Variants in FAM174B observed in about 807,000 individuals in gnomAD.
FAM174B encodes membrane protein FAM174B.
A neutral mutation model predicts 10.9 loss-of-function variants in FAM174B; 12 were observed. The ratio of observed to expected loss-of-function variants is 1.10; its 90% CI spans 0.71 to 1.79. FAM174B has a LOEUF of 1.79. Among genes scored for constraint, FAM174B ranks in the 40% most tolerant of loss-of-function variants. FAM174B has a pLI of 0.00. For synonymous variants in FAM174B, 132 were observed against 115.8 expected (o/e 1.14, Z -0.90); for missense variants, 266 against 233.3 (o/e 1.14, Z -0.91).
At position 92,617,932 on chromosome 15, in the gene FAM174B, C is replaced by T; in HGVS notation, c.*1524G>A. 1 of 397,930 alleles carries T rather than the reference C, an allele frequency of 2.5e-6. No individual in the cohort carries two copies. Among genetic ancestry groups the T allele is most frequent in the Non-Finnish European group, 4.4e-6 (1 of 225,544 alleles). 24.6% of individuals were successfully genotyped at this position (397,930 alleles called of 1,614,324 possible). On this transcript the variant is annotated 3_prime_UTR_variant, in exon 3 of 3. Coordinates refer to ENST00000327355, the MANE Select transcript of FAM174B (RefSeq NM_207446.3). ...TGCGCCACCCTCACCCAGGGCTTCC[C>T]ACGGGCTCTGCTCTTTCCTGCAGAG...
chr15:92,650,585 C>G lies in FAM174B; in HGVS notation c.344+4731G>C, dbSNP rs115421649. Among the ~76,000 whole-genome samples the G allele has an allele frequency of 6.3e-3, 965 of 152,288 alleles. 13 individuals are homozygous for G. The highest frequency in any genetic ancestry group is 0.022 in the African/African-American group (911 of 41,560). On this transcript the variant is annotated intron_variant, in intron 1 of 2. Coordinates refer to ENST00000327355, the MANE Select transcript of FAM174B (RefSeq NM_207446.3). The stretch of plus-strand genomic sequence containing the variant: ...TGGCAGGGTTTTCCTGACTTGCCCC[C>G]GCTCTGCTCATGAGACACCAGAGCG...
intron 1 of FAM174B, among the ~76,000 whole-genome samples, chr15:92,643,664 G>C (rs1384724236): frequency 6.6e-6 from 1 of 151,986 alleles, no homozygotes; most frequent in African/African-American, 2.4e-5. Flanking sequence ...TTCTCCCAGG[G>C]CCCACCCATG....
At chr15:92,639,235 A>C (rs2050875141) in intron 1 of FAM174B, 1 of 152,220 alleles carries the variant, frequency 6.6e-6, no homozygotes, top group African/African-American at 2.4e-5. Context: ...GTGCCCCTGC[A>C]AGTTCTTTTG....
intron 1 of FAM174B, among the ~76,000 whole-genome samples, chr15:92,631,243 TATATTATATATA>T (rs1171231236): frequency 0.26 from 1,827 of 6,924 alleles, 773 homozygotes; most frequent in East Asian, 0.9. Flanking sequence ...TATTATATAT[TATATTATATATA>T]ATATATTATA....
At chr15:92,625,552 G>C (rs2050747251) in intron 2 of FAM174B, among the ~76,000 whole-genome samples, 1 of 152,174 alleles carries the variant, frequency 6.6e-6, no homozygotes, top group African/African-American at 2.4e-5. Context: ...AACCAAACAT[G>C]CAACGTCTGA....
At chr15:92,649,151 T>C (rs765692276) in intron 1 of FAM174B, among the ~76,000 whole-genome samples, 2 of 152,230 alleles carry the variant, frequency 1.3e-5, no homozygotes, top group Non-Finnish European at 2.9e-5. Context: ...AAGACACCCA[T>C]ACACAAAGCC....
chr15:92,644,519 C>T (rs933799255), intron 1 of FAM174B, among the ~76,000 whole-genome samples: 1 of 152,208 alleles, frequency 6.6e-6, no homozygotes, highest in African/African-American at 2.4e-5. Flanking sequence ...CTCCCCAACA[C>T]AGAGGCTGGG....
At chr15:92,643,866 G>A (rs185134240) in intron 1 of FAM174B, among the ~76,000 whole-genome samples, 92 of 152,276 alleles carry the variant, frequency 6.0e-4, no homozygotes, top group African/African-American at 2.1e-3. Context: ...AACAGCACAC[G>A]TGAACTCTGA....
At chr15:92,655,224 G>C in intron 1 of FAM174B, 92 bp downstream of exon 1, 1 of 1,437,012 alleles carries the variant, frequency 7.0e-7, no homozygotes, top group East Asian at 2.9e-5. Context: ...CAGGGCACCT[G>C]TGCGTGCAGG....
intron 1 of FAM174B, among the ~76,000 whole-genome samples, chr15:92,638,576 T>G (rs1450984122): frequency 6.6e-6 from 1 of 152,178 alleles, no homozygotes; most frequent in East Asian, 1.9e-4. Context: ...CAACTCAAAG[T>G]GCAGCGACTG....
At chr15:92,654,003 C>G (rs753461824) in intron 1 of FAM174B, among the ~76,000 whole-genome samples, 8 of 152,178 alleles carry the variant, frequency 5.3e-5, no homozygotes, top group Non-Finnish European at 1.2e-4. Context: ...CATTTCAACC[C>G]AGAGAACATC....
At position 92,655,729 on chromosome 15, in the gene FAM174B, A is replaced by C. The variant is rs2051001565; in HGVS notation, c.-70T>G. 1.7e-6 allele frequency: 2 copies of C among 1,178,518 alleles called. No individual in the cohort carries two copies. The highest frequency in any genetic ancestry group is 2.1e-6 in the Non-Finnish European group (2 of 946,148). 73.0% of individuals were successfully genotyped at this position (1,178,518 alleles called of 1,614,324 possible). On this transcript the variant is annotated 5_prime_UTR_variant, in exon 1 of 3. Coordinates refer to ENST00000327355, the MANE Select transcript of FAM174B (RefSeq NM_207446.3). ...AGCTCCAGGATCCGCACCAGCACGG[A>C]GGCCTGCACCGGGGGATCCTGCGGC...
intron 1 of FAM174B, among the ~76,000 whole-genome samples, chr15:92,648,059 C>T (rs2050940161): frequency 6.6e-6 from 1 of 152,182 alleles, no homozygotes; most frequent in Non-Finnish European, 1.5e-5. Context: ...TTGAATCTGC[C>T]TATGGTCTAT....
At chr15:92,634,915 G>T (rs145971363) in intron 1 of FAM174B, among the ~76,000 whole-genome samples, 4 of 151,548 alleles carry the variant, frequency 2.6e-5, no homozygotes, top group African/African-American at 9.7e-5. Flanking sequence ...TTCCAACTGG[G>T]ACATCAGTTT....
rs752584428 is a variant in FAM174B, at chr15:92,630,286, C to T, written c.404G>A (p.Arg135Gln). The T allele has an allele frequency of 1.2e-6, 2 of 1,613,746 alleles. No individual in the cohort carries two copies. The highest frequency in any genetic ancestry group is 2.2e-5 in the East Asian group (1 of 44,882). ...TTCATTTAGTGGCGCCATTTCCACT[C>T]GCTCTGCTGGAGTGGTGATGATATC... ...KYDIITTPAERVEMAPLNEED... is the reference protein window; with the variant it reads ...KYDIITTPAEQVEMAPLNEED... The change falls in exon 2 of 3, where the codon CGA (arginine) becomes CAA (glutamine). Residue 135 changes from arginine to glutamine, a missense_variant. Physicochemically the swap from Arg to Gln is conservative, Grantham distance 43. Coordinates refer to ENST00000327355, the MANE Select transcript of FAM174B (RefSeq NM_207446.3).
intron 2 of FAM174B, among the ~76,000 whole-genome samples, chr15:92,624,912 G>A (rs370823082): frequency 5.3e-5 from 8 of 152,334 alleles, no homozygotes; most frequent in South Asian, 2.1e-4. Context: ...CCTGGAGGAC[G>A]CCTAGAGGGT....
intron 1 of FAM174B, among the ~76,000 whole-genome samples, chr15:92,636,516 G>T (rs920723371): frequency 2.0e-5 from 3 of 152,198 alleles, no homozygotes; most frequent in African/African-American, 4.8e-5. Flanking sequence ...GCAGAGCTAG[G>T]GTTTGAAGCA....
At chr15:92,621,263 C>T (rs910746509) in intron 2 of FAM174B, among the ~76,000 whole-genome samples, 1 of 152,128 alleles carries the variant, frequency 6.6e-6, no homozygotes, top group African/African-American at 2.4e-5. Flanking sequence ...GTTCCCTACG[C>T]TATTTTTATT....
chr15:92,635,091 G>T (rs546564032), intron 1 of FAM174B, among the ~76,000 whole-genome samples: 1 of 140,786 alleles, frequency 7.1e-6, no homozygotes, highest in South Asian at 2.4e-4. Context: ...GATTCCTTAC[G>T]ATAAGCCTCT....
Sources: allele counts gnomAD v4.1 joint callset (sites outside exome capture counted in the v4.1 genomes callset), GRCh38; gene constraint gnomAD v4.1.1; transcripts MANE v1.5; gene names NCBI Gene and HGNC (gene_info 2026-07-23, HGNC 2026-07-21).